CNTNAP2: variants seen among roughly 807,000 people sequenced by gnomAD.
CNTNAP2 encodes the protein contactin-associated protein-like 2.
CNTNAP2 carries 98 observed loss-of-function variants against 155.2 expected under a neutral mutation model. The ratio of observed to expected loss-of-function variants is 0.63; its 90% CI spans 0.54 to 0.75. The LOEUF is 0.75. Ranked by LOEUF, CNTNAP2 falls within the 30% of genes least tolerant of loss-of-function variation. CNTNAP2 has a pLI of 0.00. For synonymous variants in CNTNAP2, 651 were observed against 631.2 expected (o/e 1.03, Z -0.47); for missense variants, 1,727 against 1,688.1 (o/e 1.02, Z -0.40).
At chr7:146,357,625 T>A (rs1433088314) in intron 1 of CNTNAP2, among the ~76,000 whole-genome samples, 1 of 152,178 alleles carries the variant, frequency 6.6e-6, no homozygotes, top group African/African-American at 2.4e-5. Context: ...ATGGTAGAGT[T>A]GTAGGAAAAC....
At chr7:146,712,421 T>C (rs1207645590) in intron 1 of CNTNAP2, among the ~76,000 whole-genome samples, 2 of 146,436 alleles carry the variant, frequency 1.4e-5, no homozygotes, top group East Asian at 2.0e-4. Flanking sequence ...AGGAAATTGC[T>C]TGGTGCCAAA....
chr7:146,776,087 A>T (rs1802385490), intron 2 of CNTNAP2, among the ~76,000 whole-genome samples: 1 of 152,208 alleles, frequency 6.6e-6, no homozygotes, highest in Non-Finnish European at 1.5e-5. Context: ...CAATGAATAT[A>T]GACAGAAAAA....
chr7:148,192,359 A>C (rs1451020712), intron 18 of CNTNAP2, among the ~76,000 whole-genome samples: 1 of 152,170 alleles, frequency 6.6e-6, no homozygotes, highest in African/African-American at 2.4e-5. Context: ...TCTCGGTCTG[A>C]CTTGTTTAAC....
At chr7:148,246,795 A>T (rs1212398765) in intron 20 of CNTNAP2, among the ~76,000 whole-genome samples, 1 of 152,210 alleles carries the variant, frequency 6.6e-6, no homozygotes, top group Non-Finnish European at 1.5e-5. Flanking sequence ...ACTCAGTGGT[A>T]GAAAGTGCAG....
intron 1 of CNTNAP2, among the ~76,000 whole-genome samples, chr7:146,625,291 A>C (rs988932088): frequency 6.6e-6 from 1 of 151,848 alleles, no homozygotes; most frequent in African/African-American, 2.4e-5. Context: ...ACAAGAAATA[A>C]CCTGAATCTG....
intron 1 of CNTNAP2, among the ~76,000 whole-genome samples, chr7:146,180,763 A>G (rs112490712): frequency 0.011 from 1,654 of 152,306 alleles, 15 homozygotes; most frequent in Non-Finnish European, 0.016. Flanking sequence ...TTGAAGTTGT[A>G]TATCATTGTC....
intron 1 of CNTNAP2, among the ~76,000 whole-genome samples, chr7:146,651,457 G>C (rs759460569): frequency 6.6e-6 from 1 of 152,128 alleles, no homozygotes; most frequent in Non-Finnish European, 1.5e-5. Flanking sequence ...GTGATGATAC[G>C]CAATAATAGG....
chr7:148,138,291 G>A (rs1200483797), intron 16 of CNTNAP2, among the ~76,000 whole-genome samples: 2 of 152,160 alleles, frequency 1.3e-5, no homozygotes, highest in East Asian at 1.9e-4. Context: ...TAATTGACTT[G>A]TATGCTGTCT....
chr7:146,739,620 G>A (rs1026154102), intron 1 of CNTNAP2, among the ~76,000 whole-genome samples: 1 of 152,054 alleles, frequency 6.6e-6, no homozygotes, highest in Admixed American at 6.6e-5. Flanking sequence ...TGCTTATTCT[G>A]TAGTTGTTGG....
intron 1 of CNTNAP2, among the ~76,000 whole-genome samples, chr7:146,145,417 T>A (rs528774605): frequency 6.6e-6 from 1 of 152,254 alleles, no homozygotes; most frequent in South Asian, 2.1e-4. Context: ...GGGGTGCTAT[T>A]AGTAAGGAAG....
intron 18 of CNTNAP2, among the ~76,000 whole-genome samples, chr7:148,200,856 A>G (rs906975866): frequency 6.6e-6 from 1 of 152,210 alleles, no homozygotes; most frequent in Non-Finnish European, 1.5e-5. Flanking sequence ...CCTCGCCTGT[A>G]GAATTTGAAT....
chr7:147,119,686 A>G (rs986878415), intron 5 of CNTNAP2, among the ~76,000 whole-genome samples: 16 of 151,990 alleles, frequency 1.1e-4, no homozygotes, highest in Admixed American at 1.3e-4. Flanking sequence ...AATGTAAGGT[A>G]TGGGGGCATT....
At chr7:147,394,807 T>TTGTGTGTG (rs61695156) in intron 9 of CNTNAP2, among the ~76,000 whole-genome samples, 2,491 of 139,284 alleles carry the variant, frequency 0.018, 33 homozygotes, top group East Asian at 0.035. Flanking sequence ...ATCAACAGTA[T>TTGTGTGTG]TGTGTGTGTG....
At chr7:146,469,357 C>T (rs183351064) in intron 1 of CNTNAP2, among the ~76,000 whole-genome samples, 21 of 151,718 alleles carry the variant, frequency 1.4e-4, no homozygotes, top group Non-Finnish European at 2.8e-4. Flanking sequence ...AAAGAAGATA[C>T]CCTGAGAAAA....
At chr7:147,587,278 A>G (rs1026556558) in intron 12 of CNTNAP2, among the ~76,000 whole-genome samples, 8 of 152,170 alleles carry the variant, frequency 5.3e-5, no homozygotes, top group Admixed American at 1.3e-4. Context: ...GACAAGACGC[A>G]GGTCTAGAGC....
rs556679093 is a variant in CNTNAP2, at chr7:146,919,236, C to A, written c.402+79332C>A. On this transcript the variant is annotated intron_variant, in intron 3 of 23. Transcript: ENST00000361727. ...ATTCATTGCTGGTGAGTAATGTGATCGTTTGAGGGTGTTAAAGAAACTTGT... is the reference window on the plus strand; with the variant it reads ...ATTCATTGCTGGTGAGTAATGTGATAGTTTGAGGGTGTTAAAGAAACTTGT... Among the ~76,000 whole-genome samples the A allele has an allele frequency of 4.5e-4, 69 of 152,156 alleles. No individual in the cohort carries two copies. In the South Asian group the frequency reaches 0.014, roughly 30 times the overall value.
chr7:147,740,271 T>C (rs1234655569), intron 13 of CNTNAP2, among the ~76,000 whole-genome samples: 1 of 152,224 alleles, frequency 6.6e-6, no homozygotes, highest in Non-Finnish European at 1.5e-5. Context: ...GCATTTAAAT[T>C]TAGATATCAA....
rs1331978347 is a variant in CNTNAP2, at chr7:147,185,082, T to C, written c.1348+52573T>C. ...CATCTAAAATGGTTTATGTGGGGAA[T>C]GTTATCAGCTAAAACACTTACATTA... On this transcript the variant is annotated intron_variant, in intron 8 of 23. Transcript: ENST00000361727. Among the ~76,000 whole-genome samples the C allele has an allele frequency of 4.6e-5, 7 of 152,188 alleles. 1 individual carries two copies. Among genetic ancestry groups the C allele is most frequent in the Non-Finnish European group, 5.9e-5 (4 of 68,044 alleles).
chr7:147,409,913 C>T (rs536650074), intron 10 of CNTNAP2, among the ~76,000 whole-genome samples: 9 of 151,914 alleles, frequency 5.9e-5, no homozygotes, highest in Non-Finnish European at 1.2e-4. Flanking sequence ...CAAATACTGG[C>T]AATGCTTTGG....
Sources: gnomAD v4.1 joint callset for allele counts (sites outside exome capture counted in the v4.1 genomes callset) on GRCh38, gnomAD v4.1.1 for gene constraint, MANE v1.5 for transcripts, NCBI Gene and HGNC (gene_info 2026-07-23, HGNC 2026-07-21) for gene names.